Variants in COL4A3 observed in about 807,000 individuals in gnomAD.
COL4A3 encodes the protein collagen type IV alpha 3 chain, also known as collagen alpha-3(IV) chain.
COL4A3 carries 135 observed loss-of-function variants against 217.4 expected under a neutral mutation model. The ratio of observed to expected loss-of-function variants is 0.62; its 90% CI spans 0.54 to 0.72. The LOEUF (loss-of-function observed/expected upper bound fraction) is 0.72. Among genes scored for constraint, COL4A3 ranks in the 30% least tolerant of loss-of-function variants. The probability of loss-of-function intolerance (pLI) is 0.00; values close to 1 mark genes in which losing one functional copy is unlikely to be tolerated. For synonymous variants in COL4A3, 690 were observed against 736.3 expected (o/e 0.94, Z 1.02); for missense variants, 1,868 against 2,119.9 (o/e 0.88, Z 2.33).
rs140513799 is a variant in COL4A3 at position 227,255,221 on chromosome 2, G to A, written c.888+506G>A. 3.2e-4 allele frequency among the ~76,000 whole-genome samples: 49 copies of A among 152,208 alleles called. No homozygotes were observed. In the East Asian group the frequency reaches 8.7e-3, roughly 27 times the overall value. On this transcript the variant is annotated intron_variant, in intron 15 of 51. Transcript: ENST00000396578. Reference sequence around the variant, plus strand: ...TAATTGGCCAGGCCAGTGGGGCAGTGGGCTACTGAGACTGACAGTGCCATC... The same window carrying A: ...TAATTGGCCAGGCCAGTGGGGCAGTAGGCTACTGAGACTGACAGTGCCATC...
chr2:227,239,197 AG>A (rs371329989), intron 2 of COL4A3, among the ~76,000 whole-genome samples: 27 of 152,028 alleles, frequency 1.8e-4, no homozygotes, highest in African/African-American at 5.8e-4. Flanking sequence ...TACTTCGGGG[AG>A]GGGGGGATAT....
chr2:227,212,084 C>T (rs1001252508), intron 1 of COL4A3, among the ~76,000 whole-genome samples: 1 of 152,078 alleles, frequency 6.6e-6, no homozygotes, highest in Non-Finnish European at 1.5e-5. Context: ...TGACATTGAG[C>T]ATGTGTTTAT....
At chr2:227,207,670 T>C (rs943342912) in intron 1 of COL4A3, among the ~76,000 whole-genome samples, 1 of 152,202 alleles carries the variant, frequency 6.6e-6, no homozygotes. Flanking sequence ...CTACCGGGCA[T>C]TGGAGCTGGT....
chr2:227,222,460 T>C (rs6715774), intron 1 of COL4A3: 89,191 of 151,842 alleles, frequency 0.59, 26,611 homozygotes, highest in Non-Finnish European at 0.64. Context: ...AGAGGACACT[T>C]TCCTCTCCCC....
intron 1 of COL4A3, among the ~76,000 whole-genome samples, chr2:227,174,229 C>A (rs1394970642): frequency 6.6e-6 from 1 of 152,088 alleles, no homozygotes; most frequent in African/African-American, 2.4e-5. Flanking sequence ...GAAAACACAT[C>A]ACAAAACGGA....
rs1325817960 is a variant in COL4A3 at position 227,269,966 on chromosome 2, C to T, written c.1561C>T (p.Leu521Phe). ...GSPGSPGNTG[L>F]PGFPGFPGAQ... is the part of the protein sequence containing the mutation. ...CCCAGGGTCCCCAGGAAATACAGGT[C>T]TTCCAGGATTTCCAGTAAGATTTCA... Residue 521 changes from leucine (L) to phenylalanine (F), a missense_variant, in exon 24 of 52, where the codon CTT becomes TTT. Leu to Phe is a conservative substitution (Grantham distance 22). Transcript: ENST00000396578. 1 of 1,613,496 alleles carries T rather than the reference C, an allele frequency of 6.2e-7. No homozygotes were observed.
chr2:227,229,359 T>G (rs1251288369), intron 1 of COL4A3, among the ~76,000 whole-genome samples: 1 of 152,228 alleles, frequency 6.6e-6, no homozygotes, highest in Non-Finnish European at 1.5e-5. Context: ...CAAATGATAT[T>G]TGGTTAATCA....
intron 25 of COL4A3, among the ~76,000 whole-genome samples, chr2:227,271,803 G>C (rs1179132056): frequency 6.6e-6 from 1 of 152,136 alleles, no homozygotes; most frequent in Non-Finnish European, 1.5e-5. Context: ...CACAGAGTGA[G>C]AGGGTGAGCA....
chr2:227,202,847 ATATGTG>A (rs1198135123), intron 1 of COL4A3, among the ~76,000 whole-genome samples: 1 of 35,708 alleles, frequency 2.8e-5, no homozygotes, highest in Non-Finnish European at 5.1e-5. Context: ...GTATATATAC[ATATGTG>A]TATATATACA....
intron 31 of COL4A3, among the ~76,000 whole-genome samples, 169 bp downstream of exon 31, chr2:227,281,175 G>A (rs576710370): frequency 2.0e-5 from 3 of 152,320 alleles, no homozygotes; most frequent in East Asian, 3.9e-4. Flanking sequence ...GTTGCACACA[G>A]TAGTGTGTAC....
Position 227,279,833 on chromosome 2 carries a change from T to C in COL4A3, c.2166T>C (p.Cys722=). The C allele has an allele frequency of 6.2e-7, 1 of 1,610,838 alleles. No homozygotes were observed. Among genetic ancestry groups the C allele is most frequent in the Non-Finnish European group, 8.5e-7 (1 of 1,178,774 alleles). Residue 722 remains cysteine (C), a synonymous_variant, in exon 29 of 52, where the codon TGT becomes TGC. Transcript: ENST00000396578. ...GFPGTKGSLG[C]PGKMGEPGLP... The stretch of plus-strand genomic sequence containing the variant: ...CAGGTACAAAAGGATCACTGGGTTG[T>C]CCTGGAAAAATGGGAGAGCCTGGGT...
intron 28 of COL4A3, chr2:227,279,529 C>T: frequency 4.3e-6 from 2 of 467,494 alleles, no homozygotes; most frequent in Non-Finnish European, 7.6e-6. Context: ...GTCAAATGGT[C>T]AACCAGCATC....
rs769862374 is a variant in COL4A3, at chr2:227,191,203, A to G, written c.87+26390A>G. ...GGGGAATAACAAAATTTTTATTATTATAAGTAATACTGCTATGATCATGCC... is the reference window on the plus strand; with the variant it reads ...GGGGAATAACAAAATTTTTATTATTGTAAGTAATACTGCTATGATCATGCC... On this transcript the variant is annotated intron_variant, in intron 1 of 51. Transcript: ENST00000396578. The surrounding 1 kb of genome is among the most constrained non-coding windows in gnomAD (Gnocchi z 6.8). 1.6e-4 allele frequency among the ~76,000 whole-genome samples: 25 copies of G among 152,282 alleles called. No homozygotes were observed. Among genetic ancestry groups the G allele is most frequent in the South Asian group, 6.2e-4 (3 of 4,820 alleles).
chr2:227,310,505 A>G (rs2073701372), intron 50 of COL4A3, among the ~76,000 whole-genome samples: 4 of 152,062 alleles, frequency 2.6e-5, no homozygotes, highest in Admixed American at 2.6e-4. Flanking sequence ...TAGTACAGAC[A>G]TGATTTCACT....
At chr2:227,274,670 T>C (rs564484616) in intron 26 of COL4A3, among the ~76,000 whole-genome samples, 227 of 152,202 alleles carry the variant, frequency 1.5e-3, no homozygotes, top group Non-Finnish European at 2.4e-3. Context: ...GGCGAATTTT[T>C]ATATTTTTAG....
rs1332481342 is a variant in COL4A3 at position 227,250,582 on chromosome 2, A to G, written c.547-558A>G. Among the ~76,000 whole-genome samples, 1 of 152,172 alleles carries G rather than the reference A, an allele frequency of 6.6e-6. No homozygotes were observed. The highest frequency in any genetic ancestry group is 1.5e-5 in the Non-Finnish European group (1 of 68,020). On this transcript the variant is annotated intron_variant, in intron 9 of 51. Coordinates refer to ENST00000396578, the MANE Select transcript of COL4A3 (RefSeq NM_000091.5). The surrounding 1 kb of genome is among the most constrained non-coding windows in gnomAD (Gnocchi z 4.1). The stretch of plus-strand genomic sequence containing the variant: ...TCATGGGGGAAACAAAAGCGTGTAA[A>G]TGAGTAACTCTATGGTGTGTGAGTA...
chr2:227,195,408 A>C (rs528263742), intron 1 of COL4A3, among the ~76,000 whole-genome samples: 1 of 152,274 alleles, frequency 6.6e-6, no homozygotes, highest in East Asian at 1.9e-4. Context: ...ATGGTGGCCC[A>C]TAAGATTATA....
At chr2:227,289,782 C>T (rs981092060) in intron 35 of COL4A3, among the ~76,000 whole-genome samples, 3 of 152,116 alleles carry the variant, frequency 2.0e-5, no homozygotes, top group Admixed American at 6.5e-5. Context: ...GTGTTTGAAA[C>T]CCAGGTCTGC....
chr2:227,230,740 G>C (rs1358437083), intron 1 of COL4A3, among the ~76,000 whole-genome samples: 1 of 152,170 alleles, frequency 6.6e-6, no homozygotes, highest in South Asian at 2.1e-4. Flanking sequence ...TTTAAGAAAA[G>C]ACAGCATTAG....
Sources: gnomAD v4.1 joint callset for allele counts (sites outside exome capture counted in the v4.1 genomes callset) on GRCh38, gnomAD v4.1.1 for gene constraint, Gnocchi (gnomAD v3.1) non-coding constraint, MANE v1.5 for transcripts, NCBI Gene and HGNC (gene_info 2026-07-23, HGNC 2026-07-21) for gene names.